The following TNNI3K variants were observed in gnomAD, a reference collection of about 807,000 sequenced individuals.
The protein encoded by TNNI3K is serine/threonine-protein kinase TNNI3K.
Under a neutral mutation model 114.5 loss-of-function variants are expected in TNNI3K, and 140 were observed. The observed-to-expected ratio is 1.22, with a 90% CI of 1.07 to 1.41. TNNI3K has a LOEUF of 1.41. TNNI3K is among the 40% of genes most tolerant of loss of function. The probability of loss-of-function intolerance (pLI) is 0.00; values close to 1 mark genes in which losing one functional copy is unlikely to be tolerated. For synonymous variants in TNNI3K, 347 were observed against 347.5 expected, an observed-to-expected ratio of 1.00 and a Z score of 0.02; for missense variants, 1,125 against 1,007.6, an observed-to-expected ratio of 1.12 and a Z score of -1.58.
intron 23 of TNNI3K, among the ~76,000 whole-genome samples, chr1:74,500,528 C>T (rs1228640088): frequency 1.2e-4 from 16 of 137,926 alleles, no homozygotes; most frequent in African/African-American, 3.2e-4. Context: ...GGCGTGAACC[C>T]GGGAGGCGGA....
At chr1:74,252,027 T>C (rs1654959305) in intron 4 of TNNI3K, among the ~76,000 whole-genome samples, 1 of 152,172 alleles carries the variant, frequency 6.6e-6, no homozygotes, top group Admixed American at 6.5e-5. Context: ...GAGGTGAAAG[T>C]AGAAGAGCTC....
chr1:74,391,962 T>TA (rs1663801037), intron 17 of TNNI3K, among the ~76,000 whole-genome samples: 1 of 132,296 alleles, frequency 7.6e-6, no homozygotes, highest in Non-Finnish European at 1.6e-5. Context: ...TTATTATTTT[T>TA]TTTTTTTTTT....
In TNNI3K at chr1:74,367,404, G is replaced by A. The variant is rs1019976693; in HGVS notation, c.1264+62G>A. On this transcript the variant is annotated intron_variant, in intron 12 of 24. Transcript: ENST00000326637. ...ATATATTGTGCCTAAAGGTAAACCT[G>A]TGTTTCTGTTACTATCATTCTTTCA... 1.7e-5 allele frequency: 27 copies of A among 1,567,730 alleles called. No homozygotes were observed. In the South Asian group the frequency reaches 2.8e-4, roughly 16 times the overall value.
intron 9 of TNNI3K, among the ~76,000 whole-genome samples, chr1:74,351,201 T>G (rs1195430364): frequency 2.6e-5 from 4 of 151,880 alleles, no homozygotes; most frequent in Admixed American, 6.6e-5. Flanking sequence ...GTCTGTAAAG[T>G]ATTTTATTTC....
intron 20 of TNNI3K, among the ~76,000 whole-genome samples, chr1:74,447,025 C>T (rs1418883960): frequency 1.5e-5 from 2 of 134,250 alleles, no homozygotes; most frequent in Admixed American, 1.6e-4. Context: ...GCGATGCGGG[C>T]TCTTTTTTGG....
chr1:74,258,004 T>C (rs187131814), intron 4 of TNNI3K, among the ~76,000 whole-genome samples: 421 of 152,282 alleles, frequency 2.8e-3, no homozygotes, highest in African/African-American at 9.7e-3. Flanking sequence ...CATGTGGCTC[T>C]CACACCTGAA....
At chr1:74,491,958 G>C (rs903924160) in intron 22 of TNNI3K, 139 bp from the exon 23 acceptor site, 113 of 1,293,534 alleles carry the variant, frequency 8.7e-5, no homozygotes, top group Non-Finnish European at 1.1e-4. Flanking sequence ...TTCCTGAAAG[G>C]AAAAGCCAGG....
intron 21 of TNNI3K, among the ~76,000 whole-genome samples, chr1:74,476,381 T>TATCACA (rs1668208391): frequency 6.6e-6 from 1 of 152,178 alleles, no homozygotes; most frequent in African/African-American, 2.4e-5. Context: ...ATTATCTGTC[T>TATCACA]ATCACAATGA....
intron 17 of TNNI3K, among the ~76,000 whole-genome samples, chr1:74,399,863 C>A (rs1247141971): frequency 1.3e-5 from 2 of 152,158 alleles, no homozygotes; most frequent in African/African-American, 4.8e-5. Flanking sequence ...AGAACCTTCA[C>A]CCCTCAGACC....
In TNNI3K at chr1:74,350,429, A is replaced by G. The variant is rs550012610; in HGVS notation, c.933-2837A>G. ...AGAATAGGTGTGGTGTGGTGCTGAA[A>G]AGAATGTATATTCTGTTGATTTGGG... is the stretch of plus-strand genomic sequence containing the variant. On this transcript the variant is annotated intron_variant, in intron 9 of 24. Coordinates refer to ENST00000326637, the MANE Select transcript of TNNI3K (RefSeq NM_015978.3). Among the ~76,000 whole-genome samples, 309 of 152,282 alleles carry G rather than the reference A, an allele frequency of 2.0e-3. 1 individual carries two copies. The highest frequency in any genetic ancestry group is 0.01 in the Middle Eastern group (3 of 294).
intron 17 of TNNI3K, among the ~76,000 whole-genome samples, chr1:74,376,161 AT>A (rs2100536946): frequency 6.6e-6 from 1 of 152,146 alleles, no homozygotes; most frequent in East Asian, 1.9e-4. Context: ...AATAGTGAAG[AT>A]TTTAGGAACT....
chr1:74,450,691 A>C (rs1401543405), intron 20 of TNNI3K, among the ~76,000 whole-genome samples: 1 of 152,180 alleles, frequency 6.6e-6, no homozygotes, highest in African/African-American at 2.4e-5. Context: ...TCAAAACCAC[A>C]ATGAGACACC....
At chr1:74,506,852 C>G (rs947101406) in intron 23 of TNNI3K, among the ~76,000 whole-genome samples, 3 of 152,208 alleles carry the variant, frequency 2.0e-5, no homozygotes, top group Non-Finnish European at 4.4e-5. Flanking sequence ...TAATCTCATT[C>G]TTACACTTGA....
intron 23 of TNNI3K, among the ~76,000 whole-genome samples, chr1:74,533,762 G>C (rs1196524329): frequency 6.6e-6 from 1 of 151,964 alleles, no homozygotes. Flanking sequence ...GTCCTTTGTA[G>C]GGACATGGAT....
intron 21 of TNNI3K, chr1:74,480,578 C>T (rs1326582378): frequency 2.8e-6 from 2 of 717,298 alleles, no homozygotes; most frequent in East Asian, 5.4e-5. Flanking sequence ...ATCCAGATAC[C>T]TGAGACTGTG....
intron 5 of TNNI3K, among the ~76,000 whole-genome samples, chr1:74,296,707 C>T (rs1183984240): frequency 3.9e-5 from 6 of 151,982 alleles, no homozygotes; most frequent in Admixed American, 6.6e-5. Context: ...TACTGAATTC[C>T]GGTTGGACAG....
chr1:74,450,556 T>A (rs1393363874), intron 20 of TNNI3K, among the ~76,000 whole-genome samples: 2 of 151,586 alleles, frequency 1.3e-5, no homozygotes, highest in Non-Finnish European at 2.9e-5. Context: ...CAAATTTACA[T>A]GAAAAAAAAC....
intron 5 of TNNI3K, among the ~76,000 whole-genome samples, chr1:74,309,002 A>C (rs1300593548): frequency 1.3e-5 from 2 of 152,198 alleles, no homozygotes; most frequent in Non-Finnish European, 2.9e-5. Flanking sequence ...AAACTGAATC[A>C]GTGATAGAAA....
At chr1:74,251,738 A>G (rs1023898702) in intron 4 of TNNI3K, among the ~76,000 whole-genome samples, 2 of 152,178 alleles carry the variant, frequency 1.3e-5, no homozygotes, top group Non-Finnish European at 1.5e-5. Flanking sequence ...CCCTCCCCCA[A>G]CTGCTAGAGA....
Sources: gnomAD v4.1 joint callset for allele counts (sites outside exome capture counted in the v4.1 genomes callset) on GRCh38, gnomAD v4.1.1 for gene constraint, MANE v1.5 for transcripts, NCBI Gene and HGNC (gene_info 2026-07-23, HGNC 2026-07-21) for gene names.